The following CYP39A1 variants were observed in gnomAD, a reference collection of about 807,000 sequenced individuals.
CYP39A1 encodes cytochrome P450 family 39 subfamily A member 1.
Under a neutral mutation model 58.1 loss-of-function variants are expected in CYP39A1, and 49 were observed. That is an observed-to-expected ratio of 0.84 (90% confidence interval 0.67 to 1.07). The LOEUF is 1.07. Among genes scored for constraint, CYP39A1 ranks in the 50% least tolerant of loss-of-function variants. The probability of loss-of-function intolerance (pLI) is 0.00; values close to 1 mark genes in which losing one functional copy is unlikely to be tolerated. For synonymous variants in CYP39A1, 209 were observed against 187.6 expected, an observed-to-expected ratio of 1.11 and a Z score of -0.93; for missense variants, 531 against 539.4, an observed-to-expected ratio of 0.98 and a Z score of 0.16.
chr6:46,621,178 G>GA (rs1278546075), intron 7 of CYP39A1, among the ~76,000 whole-genome samples: 2 of 151,628 alleles, frequency 1.3e-5, no homozygotes, highest in Admixed American at 6.6e-5. Flanking sequence ...ATTCACAGAG[G>GA]AAAAAAAGGA....
chr6:46,605,556 G>A (rs1223894607), intron 7 of CYP39A1, among the ~76,000 whole-genome samples: 1 of 152,160 alleles, frequency 6.6e-6, no homozygotes, highest in Non-Finnish European at 1.5e-5. Context: ...TGCAGAAAAC[G>A]TGGCAGACAC....
At chr6:46,581,605 A>G (rs773393249) in intron 10 of CYP39A1, among the ~76,000 whole-genome samples, 1 of 152,122 alleles carries the variant, frequency 6.6e-6, no homozygotes, top group Non-Finnish European at 1.5e-5. Context: ...TACAAGTGGG[A>G]GCTAAACATT....
Position 46,639,507 on chromosome 6 carries a change from T to G in CYP39A1, c.475A>C (p.Asn159His). 6.2e-7 allele frequency: 1 copy of G among 1,614,066 alleles called. No homozygotes were observed. The highest frequency in any genetic ancestry group is 8.5e-7 in the Non-Finnish European group (1 of 1,179,984). Residue 159 changes from asparagine (N) to histidine (H), a missense_variant, in exon 3 of 12, where the codon AAC becomes CAC. By Grantham distance (68) the Asn-to-His change is moderately conservative (BLOSUM62 1). Transcript: ENST00000275016. The stretch of plus-strand genomic sequence containing the variant: ...GCGTCTATTTACCTTACTAAGTTGT[T>G]CAGGTCCATTGTCCCATGAGTGCCT... ...NLGTHGTMDL[N>H]NLVRHLLYPV...
Position 46,636,383 on chromosome 6 carries a change from AC to A in CYP39A1, c.732+5del. ...CATTAGCAAAAGAAAGGTAAGAAAT[AC>A]TTACCATGGAATTATCTTTTGCAGA... is the stretch of plus-strand genomic sequence containing the variant. On this transcript the variant is annotated splice_donor_5th_base_variant and intron_variant, in intron 5 of 11. Coordinates refer to ENST00000275016, the MANE Select transcript of CYP39A1 (RefSeq NM_016593.5). The A allele has an allele frequency of 6.4e-7, 1 of 1,554,892 alleles. No homozygotes were observed. The highest frequency in any genetic ancestry group is 8.8e-7 in the Non-Finnish European group (1 of 1,132,246).
At chr6:46,632,489 G>A (rs925401709) in intron 5 of CYP39A1, among the ~76,000 whole-genome samples, 1 of 151,578 alleles carries the variant, frequency 6.6e-6, no homozygotes, top group Non-Finnish European at 1.5e-5. Context: ...TTAGGTTCAG[G>A]GGTACAGTTC....
intron 1 of CYP39A1, among the ~76,000 whole-genome samples, chr6:46,644,428 G>C (rs959127943): frequency 6.6e-6 from 1 of 152,164 alleles, no homozygotes; most frequent in African/African-American, 2.4e-5. Context: ...TGAGGCAGGA[G>C]TATCACTTGA....
chr6:46,552,864 T>G (rs1770476803), intron 11 of CYP39A1, among the ~76,000 whole-genome samples: 1 of 151,868 alleles, frequency 6.6e-6, no homozygotes, highest in Non-Finnish European at 1.5e-5. Context: ...GTGGCCAACA[T>G]GGCAAAACAA....
chr6:46,575,381 G>A lies in CYP39A1; in HGVS notation c.1250+11696C>T, dbSNP rs538497031. ...GTCTTGTCCATGCAGTCTGATTTGAGCACACCCCAGTCTGCTGGCCTCTCT... is the reference window on the plus strand; with the variant it reads ...GTCTTGTCCATGCAGTCTGATTTGAACACACCCCAGTCTGCTGGCCTCTCT... On this transcript the variant is annotated intron_variant, in intron 10 of 11. Transcript: ENST00000275016. 5.9e-4 allele frequency among the ~76,000 whole-genome samples: 90 copies of A among 152,262 alleles called. 1 individual carries two copies. The South Asian group carries it at 0.017, about 29-fold the overall frequency.
chr6:46,559,490 G>T (rs1265217991), intron 10 of CYP39A1, among the ~76,000 whole-genome samples: 1 of 152,182 alleles, frequency 6.6e-6, no homozygotes, highest in Non-Finnish European at 1.5e-5. Context: ...TACCTATGCT[G>T]TAATTTGCTT....
chr6:46,582,957 C>G (rs1004937534), intron 10 of CYP39A1: 2 of 539,384 alleles, frequency 3.7e-6, no homozygotes, highest in African/African-American at 4.1e-5. Flanking sequence ...TGGTTAAAAA[C>G]AGTACTACTA....
intron 7 of CYP39A1, among the ~76,000 whole-genome samples, chr6:46,606,002 T>G (rs541513486): frequency 6.6e-6 from 1 of 152,272 alleles, no homozygotes; most frequent in African/African-American, 2.4e-5. Flanking sequence ...AGTTTGTGTT[T>G]GAAATCAGAT....
At chr6:46,636,158 G>A (rs1562012948) in intron 5 of CYP39A1, among the ~76,000 whole-genome samples, 1 of 152,076 alleles carries the variant, frequency 6.6e-6, no homozygotes, top group Non-Finnish European at 1.5e-5. Context: ...CATCGGAATT[G>A]TATTTTTTTG....
chr6:46,582,354 T>C lies in CYP39A1; in HGVS notation c.1250+4723A>G, dbSNP rs1219284170. 3.3e-5 allele frequency among the ~76,000 whole-genome samples: 5 copies of C among 152,162 alleles called. No individual in the cohort carries two copies. In the East Asian group the frequency reaches 9.6e-4, roughly 29 times the overall value. ...ACAAGAGTGTGCAGATACTTTACTATATAAGGCACAGCTTTTAAAATGGCA... is the reference window on the plus strand; with the variant it reads ...ACAAGAGTGTGCAGATACTTTACTACATAAGGCACAGCTTTTAAAATGGCA... On this transcript the variant is annotated intron_variant, in intron 10 of 11. Transcript: ENST00000275016.
chr6:46,643,255 A>T (rs1001547471), intron 1 of CYP39A1, among the ~76,000 whole-genome samples: 2 of 152,170 alleles, frequency 1.3e-5, no homozygotes, highest in Admixed American at 6.5e-5. Flanking sequence ...TGACTCTATC[A>T]TCAAAAGAAA....
intron 7 of CYP39A1, among the ~76,000 whole-genome samples, chr6:46,622,901 A>G (rs1354585383): frequency 6.6e-6 from 1 of 152,224 alleles, no homozygotes; most frequent in East Asian, 1.9e-4. Context: ...ATAGTTCAAG[A>G]ACTAACTGCC....
intron 7 of CYP39A1, among the ~76,000 whole-genome samples, chr6:46,611,176 T>C (rs1339816678): frequency 6.6e-6 from 1 of 152,250 alleles, no homozygotes; most frequent in Non-Finnish European, 1.5e-5. Context: ...TTCTGACTTT[T>C]ACAAGGATGG....
chr6:46,569,089 C>T lies in CYP39A1; in HGVS notation c.1251-15235G>A, dbSNP rs1412509357. Among the ~76,000 whole-genome samples the T allele has an allele frequency of 2.0e-5, 3 of 152,006 alleles. No individual in the cohort carries two copies. In the East Asian group the frequency reaches 5.8e-4, roughly 29 times the overall value. ...GTTTTATAGTTTTCAGTGTATAACT[C>T]TTTCACCTTCTTGGTTTAGCTAATT... On this transcript the variant is annotated intron_variant, in intron 10 of 11. Coordinates refer to ENST00000275016, the MANE Select transcript of CYP39A1 (RefSeq NM_016593.5).
chr6:46,624,923 GT>G (rs1403775388), intron 7 of CYP39A1, among the ~76,000 whole-genome samples: 26 of 152,076 alleles, frequency 1.7e-4, no homozygotes, highest in South Asian at 6.2e-4. Flanking sequence ...AACCATAAGG[GT>G]TTTTTTATTT....
At chr6:46,620,776 C>A (rs1263718010) in intron 7 of CYP39A1, among the ~76,000 whole-genome samples, 1 of 152,114 alleles carries the variant, frequency 6.6e-6, no homozygotes, top group African/African-American at 2.4e-5. Context: ...ATGGGGACTT[C>A]TAAATTACTG....
Sources: gnomAD v4.1 joint callset for allele counts (sites outside exome capture counted in the v4.1 genomes callset) on GRCh38, gnomAD v4.1.1 for gene constraint, MANE v1.5 for transcripts, NCBI Gene and HGNC (gene_info 2026-07-23, HGNC 2026-07-21) for gene names.